The following COL4A1 variants were observed in gnomAD, a reference collection of about 807,000 sequenced individuals.
The protein encoded by COL4A1 is collagen type IV alpha 1 chain.
A neutral mutation model predicts 216.6 loss-of-function variants in COL4A1; 40 were observed. The ratio of observed to expected loss-of-function variants is 0.18; its 90% CI spans 0.14 to 0.24. The LOEUF is 0.24. COL4A1 is among the 10% of genes least tolerant of loss of function. The probability of loss-of-function intolerance (pLI) is 1.00; values close to 1 mark genes in which losing one functional copy is unlikely to be tolerated. For missense variants in COL4A1, 1,628 were observed against 2,196.8 expected (o/e 0.74, Z 5.18); for synonymous variants, 839 against 810.7 (o/e 1.03, Z -0.59).
chr13:110,158,739 CTTTTT>C (rs556230875), intron 49 of COL4A1, among the ~76,000 whole-genome samples: 1 of 105,844 alleles, frequency 9.4e-6, no homozygotes. Flanking sequence ...AAGAAATAAA[CTTTTT>C]TTTTTTTTTT....
At position 110,166,248 on chromosome 13, in the gene COL4A1, G is replaced by A. The variant is rs140722653; in HGVS notation, c.4005C>T (p.Gly1335=). The A allele has an allele frequency of 1.4e-3, 2,321 of 1,607,686 alleles. 26 individuals are homozygous for A. In the African/African-American group the frequency reaches 0.027, roughly 19 times the overall value. The change falls in exon 45 of 52, where the codon GGC becomes GGT. Residue 1335 remains glycine (G), a synonymous_variant. Transcript: ENST00000375820. ...CTCTCCTACCTTTAGCTCCCGGGAC[G>A]CCTTGATCGCCTTGATCACCTTTAA... is the stretch of plus-strand genomic sequence containing the variant. ...QGIKGDQGDQ[G]VPGAKGLPGP... is the part of the protein sequence containing the mutation.
intron 1 of COL4A1, among the ~76,000 whole-genome samples, chr13:110,260,449 C>T (rs1262879203): frequency 6.6e-6 from 1 of 152,176 alleles, no homozygotes; most frequent in African/African-American, 2.4e-5. Flanking sequence ...CACACCATTA[C>T]AGGTAACCTC....
At chr13:110,298,812 T>C (rs1374005436) in intron 1 of COL4A1, 1 of 152,194 alleles carries the variant, frequency 6.6e-6, no homozygotes, top group Non-Finnish European at 1.5e-5. Flanking sequence ...GTGTGCAAGC[T>C]CGCAGGCTCG....
intron 1 of COL4A1, among the ~76,000 whole-genome samples, chr13:110,291,106 C>T (rs752527633): frequency 2.5e-4 from 38 of 152,340 alleles, no homozygotes; most frequent in South Asian, 1.2e-3. Context: ...GCTCCCACCT[C>T]ACCTGTCCGA....
At chr13:110,186,879 C>T (rs1878428390) in intron 25 of COL4A1, among the ~76,000 whole-genome samples, 1 of 152,174 alleles carries the variant, frequency 6.6e-6, no homozygotes, top group African/African-American at 2.4e-5. Flanking sequence ...CAAAAAGATA[C>T]ACAAACACAT....
intron 50 of COL4A1, 133 bp downstream of exon 50, chr13:110,155,150 G>A (rs922424531): frequency 1.6e-5 from 12 of 749,374 alleles, no homozygotes; most frequent in Non-Finnish European, 2.6e-5. Context: ...GGAAGGGGAT[G>A]GTTGGAGGAA....
rs1876388926 is a variant in COL4A1, at chr13:110,149,152, G to C, written c.*1211C>G. The stretch of plus-strand genomic sequence containing the variant: ...AAAAGGCCTTAGTAGTCTTAGAAAT[G>C]TTTTGGAGACTTTTAGTGAAATGTC... On this transcript the variant is annotated 3_prime_UTR_variant, in exon 52 of 52. Coordinates refer to ENST00000375820, the MANE Select transcript of COL4A1 (RefSeq NM_001845.6). 2 of 154,804 alleles carry C rather than the reference G, an allele frequency of 1.3e-5. No homozygotes were observed. The highest frequency in any genetic ancestry group is 2.9e-5 in the Non-Finnish European group (2 of 68,224). The allele number at this position is 154,804 out of a possible 1,614,324, so 9.6% of individuals were successfully genotyped here.
chr13:110,160,601 C>T (rs1005678893), intron 49 of COL4A1, among the ~76,000 whole-genome samples: 7 of 152,336 alleles, frequency 4.6e-5, no homozygotes, highest in African/African-American at 1.7e-4. Flanking sequence ...ACCTTGCTCA[C>T]AGGAGGAAAG....
chr13:110,255,434 G>A (rs1282650691), intron 1 of COL4A1, among the ~76,000 whole-genome samples: 2 of 149,490 alleles, frequency 1.3e-5, no homozygotes, highest in Non-Finnish European at 3.0e-5. Flanking sequence ...GAGTGCAAGG[G>A]AGGGAGGCAG....
At chr13:110,266,403 G>A (rs555140877) in intron 1 of COL4A1, among the ~76,000 whole-genome samples, 7 of 152,316 alleles carry the variant, frequency 4.6e-5, no homozygotes, top group African/African-American at 1.7e-4. Flanking sequence ...AAAAGCAAGA[G>A]AAGGCTGCCA....
At position 110,252,499 on chromosome 13, in the gene COL4A1, GTATATATGTATTA is replaced by G. The variant is rs1395593498; in HGVS notation, c.85-9778_85-9766del. 4.3e-4 allele frequency among the ~76,000 whole-genome samples: 3 copies of G among 6,900 alleles called. 1 individual carries two copies. The highest frequency in any genetic ancestry group is 2.5e-3 in the Non-Finnish European group (2 of 798). 4.5% of individuals were successfully genotyped at this position (6,900 alleles called of 152,430 possible). A position where few individuals can be genotyped will look rare whatever the true frequency, so the allele number is the denominator to read the frequency against. On this transcript the variant is annotated intron_variant, in intron 1 of 51. Transcript: ENST00000375820. Reference sequence around the variant, plus strand: ...GTATTATATATACGTATAATTATACGTATATATGTATTATATATACGTATAATTATACGTATAT... The same window carrying G: ...GTATTATATATACGTATAATTATACGTATATACGTATAATTATACGTATAT...
At position 110,178,235 on chromosome 13, in the gene COL4A1, C is replaced by A. The variant is rs754925325; in HGVS notation, c.2459-4G>T. On this transcript the variant is annotated splice_polypyrimidine_tract_variant and splice_region_variant and intron_variant, in intron 31 of 51. Coordinates refer to ENST00000375820, the MANE Select transcript of COL4A1 (RefSeq NM_001845.6). ...TCTCCTTTTATTCCAGGAGGGCCTG[C>A]AGTTGGGTGAAACACAAATAACTTT... 2 of 1,613,572 alleles carry A rather than the reference C, an allele frequency of 1.2e-6. No individual in the cohort carries two copies. The highest frequency in any genetic ancestry group is 2.7e-5 in the African/African-American group (2 of 74,916).
At chr13:110,255,579 AGGC>A (rs1882481047) in intron 1 of COL4A1, among the ~76,000 whole-genome samples, 2 of 15,518 alleles carry the variant, frequency 1.3e-4, no homozygotes, top group Non-Finnish European at 1.5e-4. Context: ...GGGAGGGGGC[AGGC>A]AGGCAGGAAG....
intron 1 of COL4A1, among the ~76,000 whole-genome samples, chr13:110,249,139 A>G (rs1881967512): frequency 6.6e-6 from 1 of 152,104 alleles, no homozygotes; most frequent in African/African-American, 2.4e-5. Flanking sequence ...GAACGGAGGC[A>G]TCTGTCTATG....
At chr13:110,254,317 G>A (rs918954804) in intron 1 of COL4A1, among the ~76,000 whole-genome samples, 1 of 152,204 alleles carries the variant, frequency 6.6e-6, no homozygotes, top group African/African-American at 2.4e-5. Flanking sequence ...CGGCTAGCAA[G>A]AGGGAGTATG....
intron 51 of COL4A1, among the ~76,000 whole-genome samples, chr13:110,152,089 C>T (rs759799709): frequency 1.3e-5 from 2 of 152,054 alleles, no homozygotes; most frequent in African/African-American, 2.4e-5. Context: ...AGTACACTCA[C>T]CTAGAAAAAA....
chr13:110,257,152 C>G (rs1254070888), intron 1 of COL4A1, among the ~76,000 whole-genome samples: 1 of 152,186 alleles, frequency 6.6e-6, no homozygotes, highest in Non-Finnish European at 1.5e-5. Flanking sequence ...AAAACATCAC[C>G]TTCTAAGGAT....
At chr13:110,195,870 C>T (rs957235665) in intron 21 of COL4A1, among the ~76,000 whole-genome samples, 12 of 152,132 alleles carry the variant, frequency 7.9e-5, no homozygotes, top group African/African-American at 2.7e-4. Flanking sequence ...CACTGAAGGC[C>T]CTCCCCTCTC....
At chr13:110,219,722 AT>A (rs941910225) in intron 2 of COL4A1, among the ~76,000 whole-genome samples, 6 of 131,178 alleles carry the variant, frequency 4.6e-5, no homozygotes, top group African/African-American at 1.8e-4. Flanking sequence ...GTGTATATAT[AT>A]GTGTGTATAT....
Sources: gnomAD v4.1 joint callset for allele counts (sites outside exome capture counted in the v4.1 genomes callset) on GRCh38, gnomAD v4.1.1 for gene constraint, MANE v1.5 for transcripts, NCBI Gene and HGNC (gene_info 2026-07-23, HGNC 2026-07-21) for gene names.